Variants in SUPT3H observed in about 807,000 individuals in gnomAD.
SUPT3H encodes SPT3 homolog, SAGA and STAGA complex component, also known as transcription initiation protein SPT3 homolog.
In SUPT3H, 44 loss-of-function variants were observed where a neutral mutation model predicts 44.3. That is an observed-to-expected ratio of 0.99 (90% CI 0.78 to 1.28). SUPT3H has a LOEUF of 1.28. Among genes scored for constraint, SUPT3H ranks in the 50% most tolerant of loss-of-function variants. The pLI is 0.00. For synonymous variants in SUPT3H, 124 were observed against 125.6 expected (o/e 0.99, Z 0.09); for missense variants, 380 against 387.1 (o/e 0.98, Z 0.15).
rs1786524315 is a variant in SUPT3H, at chr6:45,327,315, G to A, written c.101+37886C>T. ...CTTCTGTTAACCCACTCTATTCTAA[G>A]CTCATAGAATCAAATACTGAACAAT... is the stretch of plus-strand genomic sequence containing the variant. On this transcript the variant is annotated intron_variant, in intron 2 of 10. Transcript: ENST00000371459. 2.6e-5 allele frequency among the ~76,000 whole-genome samples: 4 copies of A among 151,856 alleles called. No individual in the cohort carries two copies. The Admixed American group carries it at 2.6e-4, about 10-fold the overall frequency.
At chr6:44,888,572 A>G (rs1157350054) in intron 10 of SUPT3H, among the ~76,000 whole-genome samples, 1 of 152,232 alleles carries the variant, frequency 6.6e-6, no homozygotes, top group Admixed American at 6.5e-5. Context: ...ACAACCCTTC[A>G]TGCTAAAAAC....
intron 3 of SUPT3H, among the ~76,000 whole-genome samples, chr6:45,064,773 A>G (rs1399428603): frequency 6.8e-6 from 1 of 147,170 alleles, no homozygotes; most frequent in African/African-American, 2.5e-5. Context: ...TCCTAAATAT[A>G]TATGCACCCA....
At chr6:44,837,766 A>T (rs979075397) in intron 10 of SUPT3H, among the ~76,000 whole-genome samples, 2 of 152,228 alleles carry the variant, frequency 1.3e-5, no homozygotes, top group Non-Finnish European at 2.9e-5. Context: ...GTCTATAAAC[A>T]TTTTAGGTTC....
intron 2 of SUPT3H, among the ~76,000 whole-genome samples, chr6:45,188,657 T>A (rs1224958418): frequency 1.3e-5 from 2 of 152,182 alleles, no homozygotes; most frequent in Non-Finnish European, 2.9e-5. Flanking sequence ...ATCCACCATG[T>A]CTACAAACTA....
At chr6:45,208,502 G>A (rs780981760) in intron 2 of SUPT3H, among the ~76,000 whole-genome samples, 4 of 152,178 alleles carry the variant, frequency 2.6e-5, no homozygotes, top group African/African-American at 4.8e-5. Flanking sequence ...AAGGCGGGCA[G>A]ATCATAAGGT....
chr6:44,849,469 C>T (rs1023648510), intron 10 of SUPT3H, among the ~76,000 whole-genome samples: 10 of 151,822 alleles, frequency 6.6e-5, no homozygotes, highest in Non-Finnish European at 1.0e-4. Context: ...CCTCGTGATC[C>T]GCCCGCCTCG....
chr6:44,946,408 A>T (rs761318681), intron 9 of SUPT3H, among the ~76,000 whole-genome samples: 6 of 152,204 alleles, frequency 3.9e-5, no homozygotes, highest in Non-Finnish European at 7.4e-5. Flanking sequence ...AGTAAATGAA[A>T]ATCTTCTGGA....
At chr6:45,025,078 T>C (rs1785753383) in intron 3 of SUPT3H, among the ~76,000 whole-genome samples, 1 of 152,206 alleles carries the variant, frequency 6.6e-6, no homozygotes, top group Non-Finnish European at 1.5e-5. Context: ...TAATAATACA[T>C]AAATCTCTCT....
In SUPT3H at chr6:45,209,365, A is replaced by G. The variant is rs144470955; in HGVS notation, c.102-103359T>C. ...GGAGTCACCATTCTAGATGCCACTA[A>G]GAACATTTGTGATTCATGGGAGAAG... On this transcript the variant is annotated intron_variant, in intron 2 of 10. Transcript: ENST00000371459. 1.7e-3 allele frequency among the ~76,000 whole-genome samples: 252 copies of G among 152,342 alleles called. 3 individuals carry two copies. Among genetic ancestry groups the G allele is most frequent in the African/African-American group, 5.9e-3 (246 of 41,582 alleles).
chr6:45,329,248 T>C (rs1308037334), intron 2 of SUPT3H, among the ~76,000 whole-genome samples: 3 of 151,984 alleles, frequency 2.0e-5, no homozygotes, highest in Admixed American at 6.6e-5. Context: ...GTCTACCATG[T>C]ATAACACAGA....
chr6:44,843,927 G>GCACACACACACACA (rs56329630), intron 10 of SUPT3H, among the ~76,000 whole-genome samples: 45 of 148,110 alleles, frequency 3.0e-4, no homozygotes, highest in African/African-American at 1.1e-3. Flanking sequence ...ACACACACAC[G>GCACACACACACACA]CACACACACA....
At chr6:45,355,221 C>A (rs928559295) in intron 2 of SUPT3H, among the ~76,000 whole-genome samples, 65 of 151,712 alleles carry the variant, frequency 4.3e-4, no homozygotes, top group African/African-American at 1.5e-3. Flanking sequence ...CTCAGCCTCC[C>A]AAAGTACTGG....
intron 2 of SUPT3H, among the ~76,000 whole-genome samples, chr6:45,221,743 T>G (rs188971199): frequency 1.2e-4 from 19 of 152,298 alleles, no homozygotes; most frequent in African/African-American, 4.3e-4. Flanking sequence ...TATTCTAATT[T>G]GTAGTGCTTT....
chr6:45,021,856 C>T (rs1312766834), intron 3 of SUPT3H, among the ~76,000 whole-genome samples: 3 of 151,798 alleles, frequency 2.0e-5, no homozygotes, highest in Non-Finnish European at 4.4e-5. Context: ...CTGGATACTG[C>T]GGTTGGTATA....
At chr6:45,133,950 T>C (rs1167557035) in intron 2 of SUPT3H, among the ~76,000 whole-genome samples, 1 of 152,180 alleles carries the variant, frequency 6.6e-6, no homozygotes, top group Non-Finnish European at 1.5e-5. Flanking sequence ...TTTGTTGAAT[T>C]ACAAACCCCC....
intron 1 of SUPT3H, chr6:45,371,778 T>C (rs989591032): frequency 1.0e-6 from 1 of 954,302 alleles, no homozygotes; most frequent in African/African-American, 1.8e-5. Context: ...TAAGCAACTA[T>C]AACAGACAAA....
chr6:45,160,325 A>G (rs1487844967), intron 2 of SUPT3H, among the ~76,000 whole-genome samples: 1 of 152,218 alleles, frequency 6.6e-6, no homozygotes, highest in Non-Finnish European at 1.5e-5. Flanking sequence ...AAGTATTCAC[A>G]GTAGTCGTAT....
intron 2 of SUPT3H, among the ~76,000 whole-genome samples, chr6:45,303,689 A>AAAAAG (rs1782526923): frequency 6.7e-6 from 1 of 149,580 alleles, no homozygotes; most frequent in Non-Finnish European, 1.5e-5. Flanking sequence ...AAAAAAAAAA[A>AAAAAG]AAAGAAACAA....
At chr6:45,228,734 C>T (rs527626749) in intron 2 of SUPT3H, among the ~76,000 whole-genome samples, 24 of 152,122 alleles carry the variant, frequency 1.6e-4, no homozygotes, top group Non-Finnish European at 3.5e-4. Flanking sequence ...CTACAGCCGC[C>T]GCCCCCAGAG....
Sources: gnomAD v4.1 joint callset for allele counts (sites outside exome capture counted in the v4.1 genomes callset) on GRCh38, gnomAD v4.1.1 for gene constraint, MANE v1.5 for transcripts, NCBI Gene and HGNC (gene_info 2026-07-23, HGNC 2026-07-21) for gene names.